ENO4: variants seen among roughly 807,000 people sequenced by gnomAD.
ENO4 encodes 2-phospho-D-glycerate hydro-lyase.
ENO4 carries 53 observed loss-of-function variants against 63.2 expected under a neutral mutation model. The ratio of observed to expected loss-of-function variants is 0.84; its 90% CI spans 0.67 to 1.05. The LOEUF (loss-of-function observed/expected upper bound fraction) is 1.05. ENO4 is among the 50% of genes least tolerant of loss of function. The pLI is 0.00. For synonymous variants in ENO4, 266 were observed against 283.8 expected (o/e 0.94, Z 0.63); for missense variants, 719 against 772.0 (o/e 0.93, Z 0.81).
Position 116,903,503 on chromosome 10 carries a change from C to A in ENO4, c.1195-7996C>A, listed in dbSNP as rs529035172. 2.0e-5 allele frequency among the ~76,000 whole-genome samples: 3 copies of A among 151,644 alleles called. No individual in the cohort carries two copies. The East Asian group carries it at 5.8e-4, about 30-fold the overall frequency. ...TCACGCCACTGCACTCCAGCCTGGGCGACAAGAGAGACTTCATCTCAGAGA... is the reference window on the plus strand; with the variant it reads ...TCACGCCACTGCACTCCAGCCTGGGAGACAAGAGAGACTTCATCTCAGAGA... On this transcript the variant is annotated intron_variant, in intron 10 of 10. Coordinates refer to the ENO4 transcript ENST00000369207.
chr10:116,911,523 C>T, exon 11 of ENO4: 1 of 1,550,504 alleles, frequency 6.4e-7, no homozygotes, highest in African/African-American at 1.4e-5. Flanking sequence ...AGCTGTGATG[C>T]CAGGATTGGA....
chr10:116,876,347 A>G, intron 11 of ENO4, 87 bp downstream of exon 11: 1 of 1,058,924 alleles, frequency 9.4e-7, no homozygotes, highest in South Asian at 1.9e-5. Context: ...GTTACTAAAA[A>G]GCATGGGAGA....
intron 10 of ENO4, chr10:116,908,030 C>T (rs1848043417): frequency 2.2e-6 from 1 of 451,068 alleles, no homozygotes; most frequent in Non-Finnish European, 4.4e-6. Flanking sequence ...CTTGTAAAAT[C>T]AGATGGTTAC....
chr10:116,886,445 T>C, downstream of ENO4: 1 of 1,612,778 alleles, frequency 6.2e-7, no homozygotes, highest in Non-Finnish European at 8.5e-7. Flanking sequence ...GTTGGATCTT[T>C]TTCAGCAACC....
chr10:116,898,122 G>A lies in ENO4; in HGVS notation c.1195-13377G>A, dbSNP rs541096999. On this transcript the variant is annotated intron_variant, in intron 10 of 10. Transcript: ENST00000369207. Reference sequence around the variant, plus strand: ...GTGGGTGGATCACCTGAGGTCAGGAGTTCAAGACCAGCCTGACCAACATAG... The same window carrying A: ...GTGGGTGGATCACCTGAGGTCAGGAATTCAAGACCAGCCTGACCAACATAG... Among the ~76,000 whole-genome samples, 3 of 152,250 alleles carry A rather than the reference G, an allele frequency of 2.0e-5. No homozygotes were observed. In the South Asian group the frequency reaches 6.2e-4, roughly 32 times the overall value.
chr10:116,907,438 G>A (rs1312352525), intron 10 of ENO4, among the ~76,000 whole-genome samples: 1 of 152,180 alleles, frequency 6.6e-6, no homozygotes, highest in Non-Finnish European at 1.5e-5. Flanking sequence ...AACAAGAGAT[G>A]CTATAAATCT....
At chr10:116,888,916 C>T (rs952982656) in intron 10 of ENO4, among the ~76,000 whole-genome samples, 7 of 152,210 alleles carry the variant, frequency 4.6e-5, no homozygotes, top group African/African-American at 1.7e-4. Flanking sequence ...AGCTGCAGCC[C>T]AGCTAAGGTT....
intron 1 of ENO4, among the ~76,000 whole-genome samples, chr10:116,850,667 G>T (rs1343400884): frequency 6.6e-6 from 1 of 152,040 alleles, no homozygotes. Context: ...TGATATAAAG[G>T]ATGTTCCGCG....
At position 116,859,133 on chromosome 10, in the gene ENO4, A is replaced by G. The variant is rs989330355; in HGVS notation, c.629A>G (p.Lys210Arg). Residue 210 changes from lysine (K) to arginine (R), a missense_variant, in exon 4 of 14, where the codon AAG becomes AGG. Lys to Arg is a conservative substitution (Grantham distance 26). Around this residue, in one of 3 missense-constraint regions of ENO4, gnomAD observed 544 missense variants for 583.6 expected, o/e 0.93. Coordinates refer to ENST00000341276, the MANE Select transcript of ENO4 (RefSeq NM_001242699.2). ...CCTCCTACCAAAAAAAAGGGGCAAA[A>G]GCCAGGTTGGTTGGTGACTTATCTT... ...PPPPTKKKGQ[K>R]PGRKDTITEK... 10 of 1,530,036 alleles carry G rather than the reference A, an allele frequency of 6.5e-6. No individual in the cohort carries two copies. The highest frequency in any genetic ancestry group is 8.7e-6 in the Non-Finnish European group (10 of 1,144,396). 94.8% of individuals were successfully genotyped at this position (1,530,036 alleles called of 1,614,324 possible).
intron 10 of ENO4, chr10:116,900,217 A>G (rs1337258790): frequency 3.8e-6 from 1 of 263,984 alleles, no homozygotes; most frequent in East Asian, 6.6e-5. Context: ...ATTAGGTTTC[A>G]AAGTTTAGAA....
At chr10:116,901,129 G>A in intron 10 of ENO4, 1 of 985,262 alleles carries the variant, frequency 1.0e-6, no homozygotes, top group Non-Finnish European at 1.2e-6. Context: ...CCTGGCAAGA[G>A]AACTAAAGCA....
chr10:116,885,013 G>A (rs990011508), downstream of ENO4: 1 of 152,468 alleles, frequency 6.6e-6, no homozygotes, highest in Non-Finnish European at 1.5e-5. Flanking sequence ...GGAGAACATG[G>A]AAACAGTCAA....
At chr10:116,911,775 G>A in exon 11 of ENO4, 1 of 1,604,562 alleles carries the variant, frequency 6.2e-7, no homozygotes, top group Non-Finnish European at 8.5e-7. Context: ...ACAATAAACT[G>A]AAATCTATTC....
At chr10:116,899,680 T>C (rs1050255363) in intron 10 of ENO4, among the ~76,000 whole-genome samples, 3 of 152,182 alleles carry the variant, frequency 2.0e-5, no homozygotes, top group Non-Finnish European at 2.9e-5. Context: ...AACGGTGGTG[T>C]TGCCACAGAC....
intron 10 of ENO4, among the ~76,000 whole-genome samples, chr10:116,904,278 TC>T (rs998293026): frequency 2.6e-5 from 4 of 152,184 alleles, no homozygotes; most frequent in East Asian, 3.9e-4. Flanking sequence ...TTGCTTACTT[TC>T]CCCCCTGGAA....
intron 11 of ENO4, among the ~76,000 whole-genome samples, chr10:116,877,424 C>A (rs1846869065): frequency 6.6e-6 from 1 of 152,118 alleles, no homozygotes; most frequent in Non-Finnish European, 1.5e-5. Flanking sequence ...TTGGGGAAGT[C>A]TAGGAGGGAT....
chr10:116,901,774 A>C (rs1314170750), intron 10 of ENO4: 1 of 1,595,612 alleles, frequency 6.3e-7, no homozygotes, highest in Non-Finnish European at 8.5e-7. Flanking sequence ...CTGAAACGTA[A>C]CCTTGGAACT....
chr10:116,901,575 C>T lies in ENO4; in HGVS notation c.1195-9924C>T, dbSNP rs189609660. 8 of 985,240 alleles carry T rather than the reference C, an allele frequency of 8.1e-6. No individual in the cohort carries two copies. The East Asian group carries it at 4.5e-4, about 56-fold the overall frequency. 61.0% of individuals were successfully genotyped at this position (985,240 alleles called of 1,614,324 possible). On this transcript the variant is annotated intron_variant, in intron 10 of 10. Coordinates refer to the ENO4 transcript ENST00000369207. ...TAATTCTCTTTGTACATGGTACTTGCTTTGGATCTGAATGAGATCTCTTAG... is the reference window on the plus strand; with the variant it reads ...TAATTCTCTTTGTACATGGTACTTGTTTTGGATCTGAATGAGATCTCTTAG...
intron 8 of ENO4, among the ~76,000 whole-genome samples, chr10:116,870,630 A>G (rs977304952): frequency 1.3e-5 from 2 of 152,158 alleles, no homozygotes. Flanking sequence ...ACAGAGCAAG[A>G]CACTATCTCA....
Sources: gnomAD v4.1 joint callset for allele counts (sites outside exome capture counted in the v4.1 genomes callset) on GRCh38, gnomAD v4.1.1 for gene constraint, gnomAD v4.1.1 regional missense constraint, MANE v1.5 for transcripts, NCBI Gene and HGNC (gene_info 2026-07-23, HGNC 2026-07-21) for gene names.